ST14: variants seen among roughly 807,000 people sequenced by gnomAD.
ST14 encodes the protein ST14 transmembrane serine protease matriptase, also known as suppressor of tumorigenicity 14 protein.
ST14 carries 40 observed loss-of-function variants against 96.5 expected under a neutral mutation model. The observed-to-expected ratio is 0.41, with a 90% CI of 0.32 to 0.54. ST14 has a LOEUF of 0.54. Ranked by LOEUF, ST14 falls within the 20% of genes least tolerant of loss-of-function variation. The pLI is 0.17. For synonymous variants in ST14, 506 were observed against 492.1 expected (o/e 1.03, Z -0.37); for missense variants, 1,066 against 1,188.9 (o/e 0.90, Z 1.52).
rs550876998 is a variant in ST14 at position 130,162,249 on chromosome 11, C to T, written c.81+2189C>T. ...CCTGCTGTTCCCATCAAGTGTTCTGCGTGGCCTTCAGAGTCCTGATGCACG... is the reference window on the plus strand; with the variant it reads ...CCTGCTGTTCCCATCAAGTGTTCTGTGTGGCCTTCAGAGTCCTGATGCACG... On this transcript the variant is annotated intron_variant, in intron 1 of 18. Coordinates refer to ENST00000278742, the MANE Select transcript of ST14 (RefSeq NM_021978.4). Among the ~76,000 whole-genome samples the T allele has an allele frequency of 7.9e-4, 121 of 152,272 alleles. 1 individual carries two copies. The highest frequency in any genetic ancestry group is 2.8e-3 in the African/African-American group (116 of 41,554).
chr11:130,188,880 G>A lies in ST14; in HGVS notation c.381G>A (p.Leu127=). The change falls in exon 4 of 19, where the codon CTG becomes CTA. Residue 127 remains leucine, a synonymous_variant. Coordinates refer to ENST00000278742, the MANE Select transcript of ST14 (RefSeq NM_021978.4). The surrounding 1 kb of genome is among the most constrained non-coding windows in gnomAD (Gnocchi z 5.4). ...ASKVKDALKL[L]YSGVPFLGPY... is the part of the protein sequence containing the mutation. ...CTGCCCTTCCTCAGCTGAAGCTGCT[G>A]TACAGCGGAGTCCCATTCCTGGGCC... 1.9e-6 allele frequency: 3 copies of A among 1,612,952 alleles called. No individual in the cohort carries two copies. The highest frequency in any genetic ancestry group is 1.7e-6 in the Non-Finnish European group (2 of 1,179,656).
At chr11:130,168,841 G>A (rs1237011862) in intron 1 of ST14, among the ~76,000 whole-genome samples, 1 of 152,064 alleles carries the variant, frequency 6.6e-6, no homozygotes, top group Non-Finnish European at 1.5e-5. Flanking sequence ...ATGGAAGCGT[G>A]TTTTAGAACT....
intron 1 of ST14, among the ~76,000 whole-genome samples, chr11:130,163,819 T>G (rs1298195817): frequency 6.6e-6 from 1 of 152,196 alleles, no homozygotes; most frequent in Non-Finnish European, 1.5e-5. Context: ...ATGCCCCTAG[T>G]TTGATGGCTG....
rs752053748 is a variant in ST14 at position 130,194,107 on chromosome 11, G to A, written c.876-42G>A. On this transcript the variant is annotated intron_variant, in intron 7 of 18. Coordinates refer to ENST00000278742, the MANE Select transcript of ST14 (RefSeq NM_021978.4). ...TGGTTTGGGTGTGTGAGAAGCTTGG[G>A]TTCTGTCTGCTCTTCCTAATGCCCG... 8 of 1,613,972 alleles carry A rather than the reference G, an allele frequency of 5.0e-6. No individual in the cohort carries two copies. The East Asian group carries it at 1.8e-4, about 36-fold the overall frequency.
rs1355701926 is a variant in ST14, at chr11:130,187,538, C to A, written c.82-576C>A. Among the ~76,000 whole-genome samples the A allele has an allele frequency of 6.6e-6, 1 of 152,196 alleles. No homozygotes were observed. Among genetic ancestry groups the A allele is most frequent in the African/African-American group, 2.4e-5 (1 of 41,450 alleles). ...GCAGTTTTTTCCATGACAGCACCAC[C>A]TTTTTACTTTTGGCTGGTTCACCAT... is the stretch of plus-strand genomic sequence containing the variant. On this transcript the variant is annotated intron_variant, in intron 1 of 18. Transcript: ENST00000278742. The surrounding 1 kb of genome is among the most constrained non-coding windows in gnomAD (Gnocchi z 4.5).
intron 17 of ST14, 102 bp downstream of exon 17, chr11:130,208,786 G>A: frequency 1.4e-6 from 2 of 1,412,398 alleles, no homozygotes; most frequent in East Asian, 5.0e-5. Context: ...GGCTGCTCCA[G>A]TCTCCCTCTG....
At chr11:130,177,894 T>G (rs1238912103) in intron 1 of ST14, among the ~76,000 whole-genome samples, 1 of 152,238 alleles carries the variant, frequency 6.6e-6, no homozygotes, top group African/African-American at 2.4e-5. Flanking sequence ...ACTGTGCCAA[T>G]TCTCATGAGC....
intron 9 of ST14, 46 bp downstream of exon 9, chr11:130,194,783 T>C: frequency 1.3e-6 from 2 of 1,581,298 alleles, no homozygotes; most frequent in South Asian, 1.1e-5. Context: ...TGAGCATGTA[T>C]GTGCACGTGT....
rs1953391601 is a variant in ST14, at chr11:130,198,433, G to A, written c.1570+15G>A. The A allele has an allele frequency of 6.2e-7, 1 of 1,613,840 alleles. No homozygotes were observed. Among genetic ancestry groups the A allele is most frequent in the East Asian group, 2.2e-5 (1 of 44,866 alleles). On this transcript the variant is annotated intron_variant, in intron 13 of 18. Transcript: ENST00000278742. The stretch of plus-strand genomic sequence containing the variant: ...GCAGGGGTGCAGTGAGTGCTGGGGA[G>A]GGGCTGCCTGGGCGGGCAGGTGGGC...
intron 1 of ST14, among the ~76,000 whole-genome samples, chr11:130,173,214 A>C (rs576780378): frequency 6.6e-6 from 1 of 152,046 alleles, no homozygotes; most frequent in Admixed American, 6.6e-5. Flanking sequence ...TAATTTCTCC[A>C]CCCACTGTTT....
chr11:130,189,316 A>G (rs1953270314), intron 4 of ST14: 2 of 448,536 alleles, frequency 4.5e-6, no homozygotes, highest in African/African-American at 2.0e-5. Context: ...CTTTTGTAAA[A>G]AAATAGACTT....
intron 1 of ST14, among the ~76,000 whole-genome samples, chr11:130,163,449 A>G (rs554479765): frequency 3.9e-5 from 6 of 152,230 alleles, no homozygotes; most frequent in East Asian, 3.9e-4. Context: ...GGGTCTTGCT[A>G]TGTTGCCCAG....
In ST14 at chr11:130,188,615, C is replaced by T. The variant is rs1459111111; in HGVS notation, c.327C>T (p.Asn109=). ...TTGTGGATGCCTACGAGAACTCCAACTCCACTGAGTTTGTAAGCCTGGCCA... is the reference window on the plus strand; with the variant it reads ...TTGTGGATGCCTACGAGAACTCCAATTCCACTGAGTTTGTAAGCCTGGCCA... The part of the protein sequence containing the change: ...ENFVDAYENS[N]STEFVSLASK... The change falls in exon 3 of 19, where the codon AAC becomes AAT. Residue 109 remains asparagine, a synonymous_variant. Coordinates refer to ENST00000278742, the MANE Select transcript of ST14 (RefSeq NM_021978.4). The surrounding 1 kb of genome is among the most constrained non-coding windows in gnomAD (Gnocchi z 5.4). The T allele has an allele frequency of 6.2e-7, 1 of 1,614,262 alleles. No individual in the cohort carries two copies. The highest frequency in any genetic ancestry group is 2.2e-5 in the East Asian group (1 of 44,874).
intron 4 of ST14, among the ~76,000 whole-genome samples, chr11:130,189,145 G>A (rs899361800): frequency 1.3e-5 from 2 of 152,238 alleles, no homozygotes; most frequent in African/African-American, 4.8e-5. Context: ...AGCTGTTGCT[G>A]TGATGAGCTG....
intron 1 of ST14, among the ~76,000 whole-genome samples, chr11:130,170,142 C>T (rs1040041209): frequency 5.3e-5 from 8 of 152,136 alleles, no homozygotes; most frequent in African/African-American, 1.2e-4. Context: ...AGGAGAGATC[C>T]GGCAAAGTCG....
Position 130,195,852 on chromosome 11 carries a change from C to CA in ST14, c.1114-472dup, listed in dbSNP as rs1306134198. Among the ~76,000 whole-genome samples, 70 of 10,388 alleles carry CA rather than the reference C, an allele frequency of 6.7e-3. No individual in the cohort carries two copies. In the East Asian group the frequency reaches 0.35, roughly 51 times the overall value. 6.8% of individuals were successfully genotyped at this position (10,388 alleles called of 152,430 possible). On this transcript the variant is annotated intron_variant, in intron 9 of 18. Coordinates refer to ENST00000278742, the MANE Select transcript of ST14 (RefSeq NM_021978.4). ...TGGGTGACAGAGTGAGACTTTGTCT[C>CA]AAAAAAAAAAAAAAAGAAAAGAGGC...
intron 1 of ST14, among the ~76,000 whole-genome samples, chr11:130,169,453 G>A (rs1460320426): frequency 2.0e-5 from 3 of 152,176 alleles, no homozygotes; most frequent in Non-Finnish European, 2.9e-5. Flanking sequence ...ATTAGCGATT[G>A]TGGAGCTGAA....
chr11:130,190,079 C>A (rs1410539057), intron 5 of ST14, 34 bp from the exon 6 acceptor site: 9 of 1,614,042 alleles, frequency 5.6e-6, no homozygotes, highest in Non-Finnish European at 7.6e-6. Flanking sequence ...TGGATTGTAT[C>A]AGGAAATGCT....
Position 130,188,458 on chromosome 11 carries a change from C to A in ST14, c.242-72C>A. ...TGGCCCCCTCCTGGCATTCATTCCCCATTGTGGACGGCGAGGGACAGGCGG... is the reference window on the plus strand; with the variant it reads ...TGGCCCCCTCCTGGCATTCATTCCCAATTGTGGACGGCGAGGGACAGGCGG... On this transcript the variant is annotated intron_variant, in intron 2 of 18. Transcript: ENST00000278742. The surrounding 1 kb of genome is among the most constrained non-coding windows in gnomAD (Gnocchi z 5.4). The A allele has an allele frequency of 6.2e-7, 1 of 1,610,050 alleles. No homozygotes were observed.
Sources: gnomAD v4.1 joint callset for allele counts (sites outside exome capture counted in the v4.1 genomes callset) on GRCh38, gnomAD v4.1.1 for gene constraint, Gnocchi (gnomAD v3.1) non-coding constraint, MANE v1.5 for transcripts, NCBI Gene and HGNC (gene_info 2026-07-23, HGNC 2026-07-21) for gene names.